The following LTV1 variants were observed in gnomAD, a reference collection of about 807,000 sequenced individuals.
LTV1 encodes protein LTV1 homolog.
Under a neutral mutation model 59.9 loss-of-function variants are expected in LTV1, and 39 were observed. The ratio of observed to expected loss-of-function variants is 0.65; its 90% CI spans 0.50 to 0.85. LTV1 has a LOEUF of 0.85. Ranked by LOEUF, LTV1 falls within the 40% of genes least tolerant of loss-of-function variation. LTV1 has a pLI of 0.00. For synonymous variants in LTV1, 171 were observed against 189.5 expected, an observed-to-expected ratio of 0.90 and a Z score of 0.80; for missense variants, 493 against 549.1, an observed-to-expected ratio of 0.90 and a Z score of 1.02.
chr6:143,857,690 A>G lies in LTV1; in HGVS notation c.540-62A>G, dbSNP rs1459516713. The G allele has an allele frequency of 1.3e-6, 2 of 1,566,014 alleles. No homozygotes were observed. The highest frequency in any genetic ancestry group is 1.7e-5 in the Admixed American group (1 of 59,310). ...ATACCTTCCAATTTTACTTGTGTAA[A>G]GTGGTTTTGTTCTGTTACTTTTTAA... On this transcript the variant is annotated intron_variant, in intron 5 of 10. Transcript: ENST00000367576. The surrounding 1 kb of genome is among the most constrained non-coding windows in gnomAD (Gnocchi z 5.2).
intron 1 of LTV1, among the ~76,000 whole-genome samples, 168 bp from the exon 2 acceptor site, chr6:143,844,318 G>A (rs1187652270): frequency 6.6e-6 from 1 of 152,228 alleles, no homozygotes; most frequent in Non-Finnish European, 1.5e-5. Flanking sequence ...TTGAAGGAAG[G>A]TTAAGTATGG....
In LTV1 at chr6:143,843,428, G is replaced by C. The variant is rs755857108; in HGVS notation, c.-50G>C. On this transcript the variant is annotated 5_prime_UTR_variant, in exon 1 of 11. Transcript: ENST00000367576. ...GACCTTGGTCTCCCCGCCGGACTTCGAGGGTGTCATCGCCGCCCCTGTTGG... is the reference window on the plus strand; with the variant it reads ...GACCTTGGTCTCCCCGCCGGACTTCCAGGGTGTCATCGCCGCCCCTGTTGG... 5 of 1,611,660 alleles carry C rather than the reference G, an allele frequency of 3.1e-6. No individual in the cohort carries two copies. The highest frequency in any genetic ancestry group is 4.2e-6 in the Non-Finnish European group (5 of 1,179,758).
At chr6:143,846,438 T>A (rs985186065) in intron 3 of LTV1, among the ~76,000 whole-genome samples, 2 of 152,164 alleles carry the variant, frequency 1.3e-5, no homozygotes, top group African/African-American at 4.8e-5. Flanking sequence ...TAACAGCCTT[T>A]TTATAGGTTC....
At chr6:143,846,788 T>G (rs1215803636) in intron 3 of LTV1, among the ~76,000 whole-genome samples, 1 of 152,248 alleles carries the variant, frequency 6.6e-6, no homozygotes, top group Non-Finnish European at 1.5e-5. Context: ...CCTGTTTATG[T>G]TAAGAATGCC....
intron 3 of LTV1, among the ~76,000 whole-genome samples, chr6:143,846,954 T>C (rs1342806792): frequency 6.6e-6 from 1 of 152,238 alleles, no homozygotes; most frequent in Admixed American, 6.5e-5. Context: ...TTTACCCTGC[T>C]CCTCATTCCC....
intron 3 of LTV1, among the ~76,000 whole-genome samples, chr6:143,848,464 C>G (rs563507205): frequency 1.8e-4 from 27 of 152,306 alleles, no homozygotes; most frequent in African/African-American, 6.5e-4. Flanking sequence ...TGTGTGTACA[C>G]TGCCATATGT....
chr6:143,846,799 C>T (rs1776899570), intron 3 of LTV1, among the ~76,000 whole-genome samples: 1 of 152,120 alleles, frequency 6.6e-6, no homozygotes, highest in African/African-American at 2.4e-5. Context: ...TAAGAATGCC[C>T]ATGTTGTATG....
In LTV1 at chr6:143,846,814, C is replaced by T. The variant is rs965163546; in HGVS notation, c.309+590C>T. Reference sequence around the variant, plus strand: ...TAAGAATGCCCATGTTGTATGCCTCCGTGACCTTATTTTTAATTTGATGTA... The same window carrying T: ...TAAGAATGCCCATGTTGTATGCCTCTGTGACCTTATTTTTAATTTGATGTA... On this transcript the variant is annotated intron_variant, in intron 3 of 10. Coordinates refer to ENST00000367576, the MANE Select transcript of LTV1 (RefSeq NM_032860.5). 4.6e-5 allele frequency among the ~76,000 whole-genome samples: 7 copies of T among 152,220 alleles called. No homozygotes were observed. The East Asian group carries it at 5.8e-4, about 13-fold the overall frequency.
At position 143,851,630 on chromosome 6, in the gene LTV1, G is replaced by T. The variant is rs193061004; in HGVS notation, c.397+1412G>T. Among the ~76,000 whole-genome samples, 4 of 151,836 alleles carry T rather than the reference G, an allele frequency of 2.6e-5. No individual in the cohort carries two copies. The East Asian group carries it at 7.7e-4, about 29-fold the overall frequency. On this transcript the variant is annotated intron_variant, in intron 4 of 10. Transcript: ENST00000367576. ...TGGGATATATATGCAGAATGTGCAG[G>T]TTTGTTATGTAGGTATACACGTCAT...
At chr6:143,849,138 A>T (rs1776942495) in intron 3 of LTV1, among the ~76,000 whole-genome samples, 1 of 152,238 alleles carries the variant, frequency 6.6e-6, no homozygotes, top group African/African-American at 2.4e-5. Flanking sequence ...AGGTTGTAGT[A>T]GATATAGACT....
At chr6:143,859,128 C>G (rs1219918763) in intron 6 of LTV1, among the ~76,000 whole-genome samples, 1 of 152,150 alleles carries the variant, frequency 6.6e-6, no homozygotes, top group Admixed American at 6.5e-5. Flanking sequence ...CCATTTCTTT[C>G]CGTTTCTCAT....
chr6:143,843,342 C>T lies in LTV1; in HGVS notation c.-136C>T, dbSNP rs564287902. ...TCCGTTTCCACGGCCGGCTGGGTGACGTTATCGCCGGGTCCTGGGGCTGCA... is the reference window on the plus strand; with the variant it reads ...TCCGTTTCCACGGCCGGCTGGGTGATGTTATCGCCGGGTCCTGGGGCTGCA... On this transcript the variant is annotated 5_prime_UTR_variant, in exon 1 of 11. It adds an upstream start codon to the 5' untranslated region. Transcript: ENST00000367576. The T allele has an allele frequency of 2.2e-5, 24 of 1,080,674 alleles. No homozygotes were observed. The African/African-American group carries it at 2.8e-4, about 13-fold the overall frequency. 66.9% of individuals were successfully genotyped at this position (1,080,674 alleles called of 1,614,324 possible).
chr6:143,860,291 T>C, intron 6 of LTV1, 135 bp from the exon 7 acceptor site: 2 of 664,516 alleles, frequency 3.0e-6, no homozygotes, highest in Non-Finnish European at 4.9e-6. Flanking sequence ...TCCCTACTGA[T>C]ATTTTAATGG....
chr6:143,846,699 T>C (rs1776896744), intron 3 of LTV1, among the ~76,000 whole-genome samples: 1 of 152,242 alleles, frequency 6.6e-6, no homozygotes, highest in Non-Finnish European at 1.5e-5. Flanking sequence ...CGGTCCACTT[T>C]AATACCTTCT....
In LTV1 at chr6:143,862,147, C is replaced by A. The variant is rs1180108828; in HGVS notation, c.967C>A (p.Leu323Met). ...NTLEPLEDQD[L>M]PMNELDESEE... ...CCTTGAACCCTTGGAGGATCAAGACCTGCCAATGAATGAGCTTGATGAGTC... is the reference window on the plus strand; with the variant it reads ...CCTTGAACCCTTGGAGGATCAAGACATGCCAATGAATGAGCTTGATGAGTC... Residue 323 changes from leucine (L) to methionine (M), a missense_variant, in exon 8 of 11, where the codon CTG (leucine) becomes ATG (methionine). Leu to Met is a conservative substitution (Grantham distance 15). Transcript: ENST00000367576. This position sits in a 1 kb window ranked among gnomAD's most constrained non-coding sequence, Gnocchi z 4.2. 1 of 1,613,986 alleles carries A rather than the reference C, an allele frequency of 6.2e-7. No homozygotes were observed. The highest frequency in any genetic ancestry group is 1.1e-5 in the South Asian group (1 of 91,070).
intron 3 of LTV1, among the ~76,000 whole-genome samples, chr6:143,849,368 T>C (rs764426228): frequency 1.3e-5 from 2 of 152,170 alleles, no homozygotes; most frequent in Non-Finnish European, 2.9e-5. Context: ...GAGGAAAATG[T>C]TTAATTTTGG....
intron 1 of LTV1, among the ~76,000 whole-genome samples, chr6:143,844,139 G>A (rs1776849262): frequency 4.6e-5 from 7 of 152,250 alleles, no homozygotes; most frequent in Admixed American, 4.6e-4. Flanking sequence ...TGAGCAGCCA[G>A]TGTAAAGTAG....
At chr6:143,844,721 T>C (rs1481037488) in intron 2 of LTV1, 104 bp downstream of exon 2, 1 of 1,248,740 alleles carries the variant, frequency 8.0e-7, no homozygotes, top group African/African-American at 1.5e-5. Context: ...CCCAGGCTGG[T>C]CTCGAACTCC....
At chr6:143,849,933 GTC>G (rs948411343) in intron 3 of LTV1, among the ~76,000 whole-genome samples, 196 bp from the exon 4 acceptor site, 5 of 152,294 alleles carry the variant, frequency 3.3e-5, no homozygotes, top group Admixed American at 3.3e-4. Flanking sequence ...TCCCCTGTGA[GTC>G]TCTGTCTTCA....
Sources: gnomAD v4.1 joint callset for allele counts (sites outside exome capture counted in the v4.1 genomes callset) on GRCh38, gnomAD v4.1.1 for gene constraint, Gnocchi (gnomAD v3.1) non-coding constraint, MANE v1.5 for transcripts, NCBI Gene and HGNC (gene_info 2026-07-23, HGNC 2026-07-21) for gene names.